Variants in POLR3B observed in about 807,000 individuals in gnomAD.
POLR3B encodes the protein RNA polymerase III subunit B, also known as DNA-directed RNA polymerase III subunit RPC2.
A neutral mutation model predicts 147.4 loss-of-function variants in POLR3B; 96 were observed. That is an observed-to-expected ratio of 0.65 (90% CI 0.55 to 0.77). POLR3B has a LOEUF of 0.77. POLR3B is among the 30% of genes least tolerant of loss of function. The probability of loss-of-function intolerance (pLI) is 0.00; values close to 1 mark genes in which losing one functional copy is unlikely to be tolerated. For missense variants in POLR3B, 1,036 were observed against 1,413.5 expected, an observed-to-expected ratio of 0.73 and a Z score of 4.28; for synonymous variants, 461 against 485.9, an observed-to-expected ratio of 0.95 and a Z score of 0.67.
At chr12:106,478,991 T>C (rs1165076757) in intron 23 of POLR3B, among the ~76,000 whole-genome samples, 1 of 152,108 alleles carries the variant, frequency 6.6e-6, no homozygotes, top group Non-Finnish European at 1.5e-5. Flanking sequence ...CCTCCTTACC[T>C]CCCTCCTACT....
intron 13 of POLR3B, among the ~76,000 whole-genome samples, chr12:106,428,170 C>T (rs1018642367): frequency 1.3e-5 from 2 of 152,140 alleles, no homozygotes; most frequent in African/African-American, 4.8e-5. Flanking sequence ...ACTCTAGTGG[C>T]CCAAAGTCGT....
intron 9 of POLR3B, among the ~76,000 whole-genome samples, chr12:106,383,574 G>A (rs2036794163): frequency 6.6e-6 from 1 of 152,112 alleles, no homozygotes; most frequent in African/African-American, 2.4e-5. Flanking sequence ...AGACAGATGG[G>A]GGAATAGCTA....
intron 23 of POLR3B, among the ~76,000 whole-genome samples, chr12:106,479,391 T>G (rs1013333598): frequency 1.3e-5 from 2 of 150,332 alleles, no homozygotes; most frequent in African/African-American, 2.4e-5. Flanking sequence ...TCTCTCTTTT[T>G]TTTTTTTGAG....
At chr12:106,390,364 T>G (rs2036898484) in intron 9 of POLR3B, among the ~76,000 whole-genome samples, 1 of 151,148 alleles carries the variant, frequency 6.6e-6, no homozygotes, top group South Asian at 2.1e-4. Context: ...AAGAAAGGAA[T>G]TCTGTTCTAA....
chr12:106,412,271 C>T (rs1197166520), intron 12 of POLR3B, among the ~76,000 whole-genome samples: 5 of 152,072 alleles, frequency 3.3e-5, no homozygotes, highest in Admixed American at 2.0e-4. Context: ...TCCTGCCTTC[C>T]TGCAGCAAAC....
Position 106,363,899 on chromosome 12 carries a change from A to G in POLR3B, c.102A>G (p.Leu34=), listed in dbSNP as rs1484879325. Residue 34 remains leucine (L), a synonymous_variant, in exon 2 of 28, where the codon TTA becomes TTG. Transcript: ENST00000228347. ...AATGGAGGCTGCTTCCAGCATTTTT[A>G]AAGGTAATTGTTTCACATTTAATAA... ...EEKWRLLPAF[L]KVKGLVKQHI... 3 of 1,604,348 alleles carry G rather than the reference A, an allele frequency of 1.9e-6. No homozygotes were observed. The highest frequency in any genetic ancestry group is 2.6e-6 in the Non-Finnish European group (3 of 1,171,960).
rs557939535 is a variant in POLR3B at position 106,400,714 on chromosome 12, C to T, written c.847-5143C>T. Reference sequence around the variant, plus strand: ...CTACATGGAAACTGAACAACCTGCTCCTGAATGACTACTGGGTACATAATG... The same window carrying T: ...CTACATGGAAACTGAACAACCTGCTTCTGAATGACTACTGGGTACATAATG... On this transcript the variant is annotated intron_variant, in intron 10 of 27. Transcript: ENST00000228347. Among the ~76,000 whole-genome samples, 169 of 152,300 alleles carry T rather than the reference C, an allele frequency of 1.1e-3. 2 individuals are homozygous for T. The highest frequency in any genetic ancestry group is 3.9e-3 in the African/African-American group (164 of 41,566).
At chr12:106,380,411 CAAAAAAA>C (rs147457953) in intron 9 of POLR3B, among the ~76,000 whole-genome samples, 4 of 98,994 alleles carry the variant, frequency 4.0e-5, no homozygotes, top group Admixed American at 3.4e-4. Flanking sequence ...CCATCTCTAC[CAAAAAAA>C]AAAAAAAAAA....
rs145632820 is a variant in POLR3B at position 106,395,028 on chromosome 12, C to T, written c.846+1875C>T. ...TTCTCACATTGCTATAAAGAAACAC[C>T]GAATCAGCCTGGACCACATGATAAG... On this transcript the variant is annotated intron_variant, in intron 10 of 27. Coordinates refer to ENST00000228347, the MANE Select transcript of POLR3B (RefSeq NM_018082.6). Among the ~76,000 whole-genome samples the T allele has an allele frequency of 1.2e-3, 177 of 152,124 alleles. 2 individuals are homozygous for T. The highest frequency in any genetic ancestry group is 4.0e-3 in the African/African-American group (166 of 41,496).
chr12:106,446,431 A>AG, intron 19 of POLR3B: 1 of 344,734 alleles, frequency 2.9e-6, no homozygotes, highest in South Asian at 2.4e-5. Context: ...AAAAAAAAAA[A>AG]AAAAGAAAAG....
chr12:106,380,736 A>C (rs2036751717), intron 9 of POLR3B, among the ~76,000 whole-genome samples: 1 of 152,190 alleles, frequency 6.6e-6, no homozygotes, highest in Non-Finnish European at 1.5e-5. Flanking sequence ...GCAACATAGC[A>C]AGACCCAGTC....
At chr12:106,385,716 G>T (rs2036826913) in intron 9 of POLR3B, among the ~76,000 whole-genome samples, 1 of 152,156 alleles carries the variant, frequency 6.6e-6, no homozygotes, top group African/African-American at 2.4e-5. Context: ...AATGGACATT[G>T]ACAAGTCAGG....
chr12:106,380,282 A>G, intron 9 of POLR3B, 143 bp downstream of exon 9: 2 of 653,534 alleles, frequency 3.1e-6, no homozygotes, highest in Non-Finnish European at 5.5e-6. Context: ...TGTATTTTAA[A>G]TTGAAAGCTG....
intron 9 of POLR3B, among the ~76,000 whole-genome samples, chr12:106,385,921 TA>T (rs1247659302): frequency 6.6e-6 from 1 of 152,232 alleles, no homozygotes; most frequent in Non-Finnish European, 1.5e-5. Flanking sequence ...GAAGAATTCT[TA>T]AATATACTTT....
intron 12 of POLR3B, among the ~76,000 whole-genome samples, chr12:106,418,465 A>G (rs988927475): frequency 2.6e-5 from 4 of 152,200 alleles, no homozygotes; most frequent in African/African-American, 9.6e-5. Context: ...AGTTTGTGTG[A>G]AAAGGAGAAT....
chr12:106,400,040 A>G (rs898015346), intron 10 of POLR3B, among the ~76,000 whole-genome samples: 13 of 152,198 alleles, frequency 8.5e-5, no homozygotes, highest in Non-Finnish European at 1.6e-4. Context: ...CAGACTGGCA[A>G]ATTGGATAAA....
chr12:106,503,178 G>T (rs2038629489), intron 26 of POLR3B, among the ~76,000 whole-genome samples: 1 of 152,182 alleles, frequency 6.6e-6, no homozygotes, highest in African/African-American at 2.4e-5. Context: ...AGACGTATTT[G>T]TAAGTTATTC....
chr12:106,457,303 G>C lies in POLR3B; in HGVS notation c.2452+7G>C. 6.2e-7 allele frequency: 1 copy of C among 1,610,554 alleles called. No homozygotes were observed. Among genetic ancestry groups the C allele is most frequent in the South Asian group, 1.1e-5 (1 of 90,964 alleles). On this transcript the variant is annotated splice_region_variant and intron_variant, in intron 21 of 27. Coordinates refer to ENST00000228347, the MANE Select transcript of POLR3B (RefSeq NM_018082.6). Reference sequence around the variant, plus strand: ...GATGGTATTTGTTCTCCAGGTAAAAGCCTTTTAAAAGAAAAAATTTTAATA... The same window carrying C: ...GATGGTATTTGTTCTCCAGGTAAAACCCTTTTAAAAGAAAAAATTTTAATA...
intron 21 of POLR3B, among the ~76,000 whole-genome samples, chr12:106,457,620 TACA>T (rs1362266389): frequency 6.6e-6 from 1 of 152,230 alleles, no homozygotes; most frequent in Non-Finnish European, 1.5e-5. Flanking sequence ...ACATTTAGCT[TACA>T]GACTACTTTA....
Sources: gnomAD v4.1 joint callset for allele counts (sites outside exome capture counted in the v4.1 genomes callset) on GRCh38, gnomAD v4.1.1 for gene constraint, MANE v1.5 for transcripts, NCBI Gene and HGNC (gene_info 2026-07-23, HGNC 2026-07-21) for gene names.